FUT9: variants seen among roughly 807,000 people sequenced by gnomAD.
FUT9 encodes 4-galactosyl-N-acetylglucosaminide 3-alpha-L-fucosyltransferase 9.
A neutral mutation model predicts 29.7 loss-of-function variants in FUT9; 15 were observed. The ratio of observed to expected loss-of-function variants is 0.51; its 90% CI spans 0.34 to 0.78. The LOEUF is 0.78. Among genes scored for constraint, FUT9 ranks in the 30% least tolerant of loss-of-function variants. The pLI is 0.01. For synonymous variants in FUT9, 169 were observed against 153.7 expected (o/e 1.10, Z -0.74); for missense variants, 319 against 425.4 (o/e 0.75, Z 2.20).
intron 1 of FUT9, among the ~76,000 whole-genome samples, chr6:96,092,755 A>G (rs1161014823): frequency 1.3e-5 from 2 of 152,012 alleles, no homozygotes; most frequent in Admixed American, 6.6e-5. Flanking sequence ...TTTCTTTATA[A>G]CATTTCATAC....
At chr6:96,072,264 C>T (rs72927910) in intron 1 of FUT9, among the ~76,000 whole-genome samples, 7,336 of 152,212 alleles carry the variant, frequency 0.048, 213 homozygotes, top group South Asian at 0.12. Context: ...ACCCTCTCTC[C>T]ATATCTCTTA....
intron 1 of FUT9, among the ~76,000 whole-genome samples, chr6:96,085,715 G>A (rs1280080318): frequency 6.6e-6 from 1 of 152,074 alleles, no homozygotes; most frequent in Non-Finnish European, 1.5e-5. Flanking sequence ...TTGGCCAAGG[G>A]TCAAATGCAA....
At chr6:96,035,142 T>C (rs1265705893) in intron 1 of FUT9, among the ~76,000 whole-genome samples, 1 of 151,502 alleles carries the variant, frequency 6.6e-6, no homozygotes, top group East Asian at 1.9e-4. Flanking sequence ...CTGTAATAGA[T>C]TATGTCCTCT....
chr6:96,066,507 C>T (rs529552936), intron 1 of FUT9, among the ~76,000 whole-genome samples: 17 of 152,022 alleles, frequency 1.1e-4, no homozygotes, highest in African/African-American at 3.1e-4. Context: ...TATTGTCATC[C>T]GAAGCCATTT....
intron 2 of FUT9, among the ~76,000 whole-genome samples, chr6:96,166,391 T>C (rs1773016650): frequency 6.6e-6 from 1 of 152,192 alleles, no homozygotes. Flanking sequence ...TATTTTTTTC[T>C]TAATAATGTT....
At chr6:96,126,749 A>T (rs973932914) in intron 2 of FUT9, among the ~76,000 whole-genome samples, 6 of 152,186 alleles carry the variant, frequency 3.9e-5, no homozygotes, top group African/African-American at 1.4e-4. Flanking sequence ...AAACATACTT[A>T]TTTCACCTAA....
intron 1 of FUT9, among the ~76,000 whole-genome samples, chr6:96,044,388 A>G (rs1036056208): frequency 3.3e-5 from 5 of 152,250 alleles, no homozygotes; most frequent in African/African-American, 1.2e-4. Flanking sequence ...ACAATTGCTC[A>G]GATTTGAGGG....
At chr6:96,114,536 T>C (rs1199941363) in intron 2 of FUT9, among the ~76,000 whole-genome samples, 1 of 151,654 alleles carries the variant, frequency 6.6e-6, no homozygotes, top group Non-Finnish European at 1.5e-5. Context: ...ATATTAGTTA[T>C]CTTTTGAAAA....
chr6:96,205,066 A>G lies in FUT9; in HGVS notation c.*831A>G, dbSNP rs1773802664. On this transcript the variant is annotated 3_prime_UTR_variant, in exon 3 of 3. Coordinates refer to ENST00000302103, the MANE Select transcript of FUT9 (RefSeq NM_006581.4). ...TCCTCAAATAACAAAGAAAAATGATACCTATAAATATATTTATAAATGGTG... is the reference window on the plus strand; with the variant it reads ...TCCTCAAATAACAAAGAAAAATGATGCCTATAAATATATTTATAAATGGTG... 6.0e-6 allele frequency: 1 copy of G among 166,736 alleles called. No homozygotes were observed. Among genetic ancestry groups the G allele is most frequent in the Non-Finnish European group, 1.5e-5 (1 of 68,078 alleles). 10.3% of individuals were successfully genotyped at this position (166,736 alleles called of 1,614,324 possible).
chr6:96,094,039 A>G (rs951089257), intron 1 of FUT9, among the ~76,000 whole-genome samples: 2 of 152,158 alleles, frequency 1.3e-5, no homozygotes, highest in Admixed American at 6.6e-5. Flanking sequence ...TGTTTCTTCA[A>G]ATTTGATGCT....
Position 96,203,866 on chromosome 6 carries a change from T to C in FUT9, c.711T>C (p.Thr237=). Residue 237 remains threonine (T), a synonymous_variant, in exon 3 of 3, where the codon ACT becomes ACC. Coordinates refer to ENST00000302103, the MANE Select transcript of FUT9 (RefSeq NM_006581.4). ...NDKNLIPTIS[T]CKFYLSFENS... ...AAAATTTGATTCCTACCATATCTAC[T>C]TGTAAATTTTATCTTTCCTTTGAAA... 1.9e-6 allele frequency: 3 copies of C among 1,611,298 alleles called. No homozygotes were observed. The highest frequency in any genetic ancestry group is 2.5e-6 in the Non-Finnish European group (3 of 1,177,792).
At chr6:96,081,656 T>C (rs1771239753) in intron 1 of FUT9, among the ~76,000 whole-genome samples, 1 of 151,866 alleles carries the variant, frequency 6.6e-6, no homozygotes, top group African/African-American at 2.4e-5. Context: ...TAGTCTATTG[T>C]AAGTATGTGC....
intron 1 of FUT9, among the ~76,000 whole-genome samples, chr6:96,107,507 G>A (rs1771714104): frequency 6.6e-6 from 1 of 152,154 alleles, no homozygotes; most frequent in African/African-American, 2.4e-5. Flanking sequence ...AGAAGCTCAA[G>A]AATTTGTCCT....
intron 1 of FUT9, among the ~76,000 whole-genome samples, chr6:96,087,640 C>G (rs1771340852): frequency 6.6e-6 from 1 of 152,144 alleles, no homozygotes; most frequent in African/African-American, 2.4e-5. Context: ...GCTGGAATTA[C>G]ATGCGTGAGC....
intron 2 of FUT9, among the ~76,000 whole-genome samples, chr6:96,179,474 A>C (rs1289364442): frequency 6.6e-6 from 1 of 152,120 alleles, no homozygotes; most frequent in Admixed American, 6.6e-5. Flanking sequence ...CATCTTTCTT[A>C]CTAAGACAAA....
chr6:96,026,306 T>TGA (rs1273459215), intron 1 of FUT9, among the ~76,000 whole-genome samples: 2 of 151,698 alleles, frequency 1.3e-5, no homozygotes, highest in Non-Finnish European at 1.5e-5. Context: ...TTTTGTTATC[T>TGA]GAGATTGATG....
rs559037173 is a variant in FUT9 at position 96,082,674 on chromosome 6, A to C, written c.-97-31365A>C. On this transcript the variant is annotated intron_variant, in intron 1 of 2. Coordinates refer to ENST00000302103, the MANE Select transcript of FUT9 (RefSeq NM_006581.4). ...TTCTTCTATATGCATTTTAAAAATT[A>C]GTTTTCAATTTTCTTAAAATCTTTA... is the stretch of plus-strand genomic sequence containing the variant. Among the ~76,000 whole-genome samples the C allele has an allele frequency of 7.2e-5, 11 of 152,034 alleles. No individual in the cohort carries two copies. The East Asian group carries it at 2.1e-3, about 29-fold the overall frequency.
chr6:96,112,335 C>A (rs894417031), intron 1 of FUT9, among the ~76,000 whole-genome samples: 2 of 152,094 alleles, frequency 1.3e-5, no homozygotes, highest in Non-Finnish European at 2.9e-5. Context: ...AAAATATAGA[C>A]AAATTTCTTC....
intron 1 of FUT9, among the ~76,000 whole-genome samples, chr6:96,097,595 G>T (rs908764124): frequency 6.8e-6 from 1 of 147,126 alleles, no homozygotes; most frequent in African/African-American, 2.5e-5. Flanking sequence ...CGTAAAAACT[G>T]TTGATCGATA....
Sources: gnomAD v4.1 joint callset for allele counts (sites outside exome capture counted in the v4.1 genomes callset) on GRCh38, gnomAD v4.1.1 for gene constraint, MANE v1.5 for transcripts, NCBI Gene and HGNC (gene_info 2026-07-23, HGNC 2026-07-21) for gene names.